ZNF804B: variants seen among roughly 807,000 people sequenced by gnomAD.
The protein encoded by ZNF804B is zinc finger protein 804B, also known as zinc finger 804B.
In ZNF804B, 80 loss-of-function variants were observed where a neutral mutation model predicts 101.4. That is an observed-to-expected ratio of 0.79 (90% CI 0.66 to 0.95). The LOEUF (loss-of-function observed/expected upper bound fraction) is 0.95. Among genes scored for constraint, ZNF804B ranks in the 40% least tolerant of loss-of-function variants. The probability of loss-of-function intolerance (pLI) is 0.00; values close to 1 mark genes in which losing one functional copy is unlikely to be tolerated. For synonymous variants in ZNF804B, 622 were observed against 558.8 expected, an observed-to-expected ratio of 1.11 and a Z score of -1.59; for missense variants, 1,673 against 1,561.9, an observed-to-expected ratio of 1.07 and a Z score of -1.20.
At chr7:89,090,007 G>A (rs1420510386) in intron 1 of ZNF804B, among the ~76,000 whole-genome samples, 7 of 151,976 alleles carry the variant, frequency 4.6e-5, no homozygotes, top group African/African-American at 9.6e-5. Context: ...TTACATTTAC[G>A]GACAGTAAAA....
chr7:89,118,997 A>G (rs1783251092), intron 1 of ZNF804B, among the ~76,000 whole-genome samples: 1 of 152,132 alleles, frequency 6.6e-6, no homozygotes, highest in Admixed American at 6.5e-5. Context: ...TCAAAGTCAG[A>G]TTTTTTTCAT....
chr7:89,080,016 C>T (rs904211347), intron 1 of ZNF804B, among the ~76,000 whole-genome samples: 3 of 151,880 alleles, frequency 2.0e-5, no homozygotes, highest in African/African-American at 4.8e-5. Flanking sequence ...GGATAACTTA[C>T]ATTTTTATTT....
At chr7:89,103,797 T>A (rs190191416) in intron 1 of ZNF804B, among the ~76,000 whole-genome samples, 118 of 152,134 alleles carry the variant, frequency 7.8e-4, no homozygotes, top group African/African-American at 2.8e-3. Flanking sequence ...CAAACATAAT[T>A]GTCTTGTTCT....
intron 1 of ZNF804B, among the ~76,000 whole-genome samples, chr7:89,089,003 C>T (rs1272920140): frequency 6.6e-6 from 1 of 151,812 alleles, no homozygotes; most frequent in East Asian, 1.9e-4. Context: ...TCATTTCTCT[C>T]CATGTGCTCC....
intron 1 of ZNF804B, among the ~76,000 whole-genome samples, chr7:89,193,273 G>GT (rs35218765): frequency 0.58 from 84,923 of 145,604 alleles, 24,721 homozygotes; most frequent in African/African-American, 0.62. Flanking sequence ...CAAAAGCTTC[G>GT]TTTTTTTTTT....
chr7:89,095,485 C>T (rs1036988889), intron 1 of ZNF804B, among the ~76,000 whole-genome samples: 16 of 152,152 alleles, frequency 1.1e-4, no homozygotes, highest in African/African-American at 3.6e-4. Context: ...TGAGAGCATA[C>T]ATTGATAAGA....
At chr7:89,098,093 A>G (rs13247123) in intron 1 of ZNF804B, among the ~76,000 whole-genome samples, 4 of 152,244 alleles carry the variant, frequency 2.6e-5, no homozygotes, top group Admixed American at 1.3e-4. Flanking sequence ...TAAGGTAGGA[A>G]CAATTAACAT....
chr7:89,323,692 G>A (rs188823847), intron 2 of ZNF804B, among the ~76,000 whole-genome samples: 1 of 151,994 alleles, frequency 6.6e-6, no homozygotes, highest in Non-Finnish European at 1.5e-5. Context: ...AGACTGTAAG[G>A]TAATAAAGCA....
Position 89,013,317 on chromosome 7 carries a change from C to T in ZNF804B, c.109-204838C>T, listed in dbSNP as rs188705540. Among the ~76,000 whole-genome samples, 716 of 107,474 alleles carry T rather than the reference C, an allele frequency of 6.7e-3. 6 individuals are homozygous for T. The highest frequency in any genetic ancestry group is 0.022 in the Middle Eastern group (4 of 186). The allele number at this position is 107,474 out of a possible 152,430, so 70.5% of individuals were successfully genotyped here. The stretch of plus-strand genomic sequence containing the variant: ...ATATGAGAATTAGAAAGCTAGTACT[C>T]ACTATAAAAAAAAATCTAGTTAATG... On this transcript the variant is annotated intron_variant, in intron 1 of 3. Coordinates refer to ENST00000333190, the MANE Select transcript of ZNF804B (RefSeq NM_181646.5).
intron 1 of ZNF804B, among the ~76,000 whole-genome samples, chr7:88,848,884 G>A (rs926455790): frequency 6.6e-6 from 1 of 152,110 alleles, no homozygotes. Flanking sequence ...ATTTCATGCA[G>A]TAGGTTAGAA....
At chr7:88,930,039 A>G (rs1258893056) in intron 1 of ZNF804B, among the ~76,000 whole-genome samples, 1 of 151,920 alleles carries the variant, frequency 6.6e-6, no homozygotes, top group Non-Finnish European at 1.5e-5. Flanking sequence ...GAGTGTCCAC[A>G]TAGTCTTAAA....
intron 1 of ZNF804B, among the ~76,000 whole-genome samples, chr7:88,915,407 G>A (rs1792616724): frequency 6.6e-6 from 1 of 151,912 alleles, no homozygotes; most frequent in Non-Finnish European, 1.5e-5. Flanking sequence ...ATTACCAATA[G>A]ATTCTATTCC....
At chr7:89,144,483 A>T (rs1424446813) in intron 1 of ZNF804B, among the ~76,000 whole-genome samples, 1 of 152,040 alleles carries the variant, frequency 6.6e-6, no homozygotes, top group East Asian at 1.9e-4. Flanking sequence ...AGCTATATAG[A>T]GAATTAGAAA....
intron 1 of ZNF804B, 40 bp from the exon 2 acceptor site, chr7:89,218,115 G>A (rs1190713661): frequency 3.1e-6 from 5 of 1,590,282 alleles, no homozygotes; most frequent in East Asian, 4.5e-5. Context: ...TATGCTATTA[G>A]AGAGAAGTCT....
chr7:88,790,207 GGTTAA>G (rs1489824605), intron 1 of ZNF804B, among the ~76,000 whole-genome samples: 6 of 151,976 alleles, frequency 3.9e-5, no homozygotes, highest in South Asian at 4.2e-4. Context: ...TTTTTCTGTG[GGTTAA>G]GTTATGTACT....
intron 1 of ZNF804B, among the ~76,000 whole-genome samples, chr7:89,050,818 C>T (rs1789190823): frequency 6.6e-6 from 1 of 152,024 alleles, no homozygotes; most frequent in Non-Finnish European, 1.5e-5. Flanking sequence ...CCACCTAAGT[C>T]CCTCTTAATG....
chr7:88,955,161 T>G (rs1484236153), intron 1 of ZNF804B, among the ~76,000 whole-genome samples: 1 of 151,436 alleles, frequency 6.6e-6, no homozygotes, highest in African/African-American at 2.4e-5. Flanking sequence ...GTAAATACTT[T>G]TTGAATGAGT....
intron 2 of ZNF804B, among the ~76,000 whole-genome samples, chr7:89,259,241 G>C (rs1353682447): frequency 6.6e-6 from 1 of 152,094 alleles, no homozygotes; most frequent in African/African-American, 2.4e-5. Context: ...TTAGTGTGGT[G>C]TCTATTGGCT....
chr7:88,938,497 T>C (rs759578654), intron 1 of ZNF804B, among the ~76,000 whole-genome samples: 4 of 152,054 alleles, frequency 2.6e-5, no homozygotes, highest in Non-Finnish European at 4.4e-5. Flanking sequence ...TGTCTGGTAA[T>C]GTTATACCAG....
Sources: gnomAD v4.1 joint callset for allele counts (sites outside exome capture counted in the v4.1 genomes callset) on GRCh38, gnomAD v4.1.1 for gene constraint, MANE v1.5 for transcripts, NCBI Gene and HGNC (gene_info 2026-07-23, HGNC 2026-07-21) for gene names.